SYN2: variants seen among roughly 807,000 people sequenced by gnomAD.
SYN2 encodes synapsin-2.
SYN2 carries 19 observed loss-of-function variants against 50.9 expected under a neutral mutation model. That is an observed-to-expected ratio of 0.37 (90% confidence interval 0.26 to 0.55). The LOEUF (loss-of-function observed/expected upper bound fraction) is 0.55. Among genes scored for constraint, SYN2 ranks in the 20% least tolerant of loss-of-function variants. The pLI, the probability that SYN2 is intolerant of heterozygous loss-of-function variation, is 0.81. For missense variants in SYN2, 587 were observed against 576.4 expected (o/e 1.02, Z -0.19); for synonymous variants, 255 against 224.9 (o/e 1.13, Z -1.20).
chr3:12,118,472 A>G (rs1696483061), intron 1 of SYN2, among the ~76,000 whole-genome samples: 1 of 152,226 alleles, frequency 6.6e-6, no homozygotes, highest in Non-Finnish European at 1.5e-5. Flanking sequence ...AGATGAGGAA[A>G]CAGGCCCAGA....
intron 11 of SYN2, among the ~76,000 whole-genome samples, chr3:12,186,050 T>C (rs1698336369): frequency 6.6e-6 from 1 of 152,208 alleles, no homozygotes; most frequent in Non-Finnish European, 1.5e-5. Flanking sequence ...CTGTGCCCTA[T>C]AGTGGGGAAC....
chr3:12,157,463 G>A (rs774613964), intron 5 of SYN2: 13 of 1,614,060 alleles, frequency 8.1e-6, no homozygotes, highest in Non-Finnish European at 1.1e-5. Context: ...CCTTCTCACT[G>A]GAGATTTTGG....
At chr3:12,107,143 G>A (rs1696210611) in intron 1 of SYN2, among the ~76,000 whole-genome samples, 1 of 152,020 alleles carries the variant, frequency 6.6e-6, no homozygotes, top group Non-Finnish European at 1.5e-5. Flanking sequence ...ATAATCATGT[G>A]CCTTATACAT....
At chr3:12,163,397 T>G (rs1697704510) in intron 7 of SYN2, among the ~76,000 whole-genome samples, 1 of 152,100 alleles carries the variant, frequency 6.6e-6, no homozygotes, top group African/African-American at 2.4e-5. Flanking sequence ...GTGTCTGTTT[T>G]TCTTCTCTTA....
intron 1 of SYN2, among the ~76,000 whole-genome samples, chr3:12,011,080 A>G (rs1218990871): frequency 6.6e-6 from 1 of 151,932 alleles, no homozygotes; most frequent in Non-Finnish European, 1.5e-5. Flanking sequence ...CCAAGATACA[A>G]CTCTGTCTTG....
chr3:12,043,939 C>T (rs888253861), intron 1 of SYN2, among the ~76,000 whole-genome samples: 11 of 152,134 alleles, frequency 7.2e-5, no homozygotes, highest in African/African-American at 2.7e-4. Context: ...GTACATACTG[C>T]ATTCTACCTT....
At chr3:12,189,904 AG>A (rs748147122) in intron 12 of SYN2, among the ~76,000 whole-genome samples, 44 of 152,362 alleles carry the variant, frequency 2.9e-4, no homozygotes, top group Non-Finnish European at 5.3e-4. Context: ...AGATCAGAAT[AG>A]AAAGAGCCAA....
intron 1 of SYN2, among the ~76,000 whole-genome samples, chr3:12,117,907 G>C (rs1323571168): frequency 1.3e-5 from 2 of 152,158 alleles, no homozygotes; most frequent in Non-Finnish European, 2.9e-5. Context: ...TCTTGAGTCT[G>C]AGTTCCTACT....
rs529477143 is a variant in SYN2 at position 12,008,134 on chromosome 3, T to A, written c.377+3206T>A. On this transcript the variant is annotated intron_variant, in intron 1 of 12. Transcript: ENST00000621198. ...TGTTTATGTTGTTTCTTCTGTGTGT[T>A]ATACTCTCACCAGCGAAGAGATACG... Among the ~76,000 whole-genome samples the A allele has an allele frequency of 1.1e-4, 16 of 152,358 alleles. No individual in the cohort carries two copies. The South Asian group carries it at 3.1e-3, about 30-fold the overall frequency.
intron 10 of SYN2, among the ~76,000 whole-genome samples, chr3:12,170,786 T>G (rs866424487): frequency 6.6e-6 from 1 of 152,254 alleles, no homozygotes; most frequent in Non-Finnish European, 1.5e-5. Flanking sequence ...CTCTCGGCTA[T>G]CTTTCCATCA....
At chr3:12,037,959 A>T (rs143782680) in intron 1 of SYN2, among the ~76,000 whole-genome samples, 39 of 152,220 alleles carry the variant, frequency 2.6e-4, no homozygotes, top group Non-Finnish European at 3.1e-4. Context: ...TTTTTTGTGT[A>T]TATCTAAAGA....
chr3:12,135,662 G>T (rs1696881259), intron 1 of SYN2, among the ~76,000 whole-genome samples: 1 of 152,148 alleles, frequency 6.6e-6, no homozygotes, highest in African/African-American at 2.4e-5. Context: ...TTTTCATGTG[G>T]AGGAGGAGAG....
At chr3:12,185,406 G>GT in intron 11 of SYN2, 1 of 985,798 alleles carries the variant, frequency 1.0e-6, no homozygotes, top group Non-Finnish European at 1.2e-6. Context: ...AGGCTACAGG[G>GT]TGGTGTCAGT....
intron 4 of SYN2, among the ~76,000 whole-genome samples, chr3:12,147,018 A>G (rs1202076148): frequency 6.6e-6 from 1 of 152,144 alleles, no homozygotes; most frequent in African/African-American, 2.4e-5. Flanking sequence ...CAGACCCTGC[A>G]TCTTCCAGGC....
chr3:12,151,465 C>T lies in SYN2; in HGVS notation c.774+139C>T, dbSNP rs561498961. 3.7e-4 allele frequency: 239 copies of T among 642,358 alleles called. 5 individuals are homozygous for T. The South Asian group carries it at 4.1e-3, about 11-fold the overall frequency. 39.8% of individuals were successfully genotyped at this position (642,358 alleles called of 1,614,324 possible). ...CTGGGGTTGAACTATAGAGCTTATGCGGCTGGAATAACTAGATTTTAGCTG... is the reference window on the plus strand; with the variant it reads ...CTGGGGTTGAACTATAGAGCTTATGTGGCTGGAATAACTAGATTTTAGCTG... On this transcript the variant is annotated intron_variant, in intron 5 of 12. Coordinates refer to ENST00000621198, the MANE Select transcript of SYN2 (RefSeq NM_133625.6).
At chr3:12,188,209 G>C (rs1698383631) in intron 12 of SYN2, among the ~76,000 whole-genome samples, 2 of 152,328 alleles carry the variant, frequency 1.3e-5, no homozygotes, top group South Asian at 4.1e-4. Context: ...AGACGCTGAG[G>C]AACTCCATCC....
At chr3:12,012,340 A>G (rs986641332) in intron 1 of SYN2, among the ~76,000 whole-genome samples, 1 of 152,206 alleles carries the variant, frequency 6.6e-6, no homozygotes, top group Non-Finnish European at 1.5e-5. Flanking sequence ...GGAAGAGAGA[A>G]ATACACAGAA....
chr3:12,093,515 G>T (rs1695871315), intron 1 of SYN2, among the ~76,000 whole-genome samples: 1 of 152,056 alleles, frequency 6.6e-6, no homozygotes, highest in Non-Finnish European at 1.5e-5. Context: ...TTTAATGATG[G>T]CTCTGCCATC....
intron 7 of SYN2, among the ~76,000 whole-genome samples, chr3:12,162,473 G>A (rs1231165836): frequency 6.6e-6 from 1 of 152,158 alleles, no homozygotes; most frequent in African/African-American, 2.4e-5. Context: ...TTATAGTTGA[G>A]ACACATATCT....
Sources: gnomAD v4.1 joint callset for allele counts (sites outside exome capture counted in the v4.1 genomes callset) on GRCh38, gnomAD v4.1.1 for gene constraint, MANE v1.5 for transcripts, NCBI Gene and HGNC (gene_info 2026-07-23, HGNC 2026-07-21) for gene names.